The following SUPT3H variants were observed in gnomAD, a reference collection of about 807,000 sequenced individuals.
SUPT3H encodes SPT3 homolog, SAGA and STAGA complex component, also known as transcription initiation protein SPT3 homolog.
SUPT3H carries 44 observed loss-of-function variants against 44.3 expected under a neutral mutation model. The observed-to-expected ratio is 0.99, with a 90% CI of 0.78 to 1.28. The LOEUF (loss-of-function observed/expected upper bound fraction) is 1.28. SUPT3H is among the 50% of genes most tolerant of loss of function. The pLI is 0.00. For synonymous variants in SUPT3H, 124 were observed against 125.6 expected, an observed-to-expected ratio of 0.99 and a Z score of 0.09; for missense variants, 380 against 387.1, an observed-to-expected ratio of 0.98 and a Z score of 0.15.
intron 2 of SUPT3H, among the ~76,000 whole-genome samples, chr6:45,198,807 T>C (rs957276731): frequency 6.6e-6 from 1 of 151,254 alleles, no homozygotes; most frequent in Non-Finnish European, 1.5e-5. Flanking sequence ...ATTATTATCA[T>C]GAAATAGCTA....
intron 3 of SUPT3H, among the ~76,000 whole-genome samples, chr6:45,045,765 T>C (rs1383336171): frequency 6.6e-6 from 1 of 152,228 alleles, no homozygotes; most frequent in African/African-American, 2.4e-5. Flanking sequence ...ATTGGATTCT[T>C]TGTCACATTA....
chr6:44,929,357 T>G (rs1417849810), intron 10 of SUPT3H, among the ~76,000 whole-genome samples: 1 of 152,160 alleles, frequency 6.6e-6, no homozygotes, highest in African/African-American at 2.4e-5. Context: ...ATTAACAATA[T>G]CAAATTATTG....
chr6:45,224,145 T>C lies in SUPT3H; in HGVS notation c.102-118139A>G, dbSNP rs967053055. Among the ~76,000 whole-genome samples the C allele has an allele frequency of 4.0e-4, 61 of 151,444 alleles. 1 individual carries two copies. The highest frequency in any genetic ancestry group is 5.9e-4 in the Admixed American group (9 of 15,194). ...TTGAAAGACAAACATAATATATATA[T>C]ATACATATAAATGTAAATGTCATTA... On this transcript the variant is annotated intron_variant, in intron 2 of 10. Transcript: ENST00000371459.
chr6:45,131,307 A>G (rs928044356), intron 2 of SUPT3H, among the ~76,000 whole-genome samples: 3 of 152,192 alleles, frequency 2.0e-5, no homozygotes, highest in African/African-American at 4.8e-5. Context: ...TGCCTAATTC[A>G]TTCATGCATG....
intron 3 of SUPT3H, among the ~76,000 whole-genome samples, chr6:45,101,747 C>T (rs1448561846): frequency 2.6e-5 from 4 of 152,064 alleles, no homozygotes; most frequent in African/African-American, 4.8e-5. Context: ...CAAAATAACA[C>T]ACTGTGCCCC....
chr6:45,302,077 G>T (rs9349320), intron 2 of SUPT3H, among the ~76,000 whole-genome samples: 149,189 of 152,290 alleles, frequency 0.98, 73,087 homozygotes, highest in Middle Eastern at 1. Context: ...TCCCCTCTGC[G>T]TCAATTGTAT....
intron 10 of SUPT3H, among the ~76,000 whole-genome samples, chr6:44,905,050 C>A (rs1300072437): frequency 6.6e-6 from 1 of 151,984 alleles, no homozygotes; most frequent in Non-Finnish European, 1.5e-5. Flanking sequence ...AACGTTAGAC[C>A]TAAAACCATA....
intron 10 of SUPT3H, among the ~76,000 whole-genome samples, chr6:44,901,567 A>T (rs1224084229): frequency 6.6e-6 from 1 of 151,728 alleles, no homozygotes; most frequent in Admixed American, 6.6e-5. Context: ...TGAAAGTGAC[A>T]GGGAGAATGG....
chr6:44,868,298 AGC>A lies in SUPT3H; in HGVS notation c.913-38443_913-38442del, dbSNP rs1412218914. ...AAGTAGGTATTTGGACCATGCTGGA[AGC>A]AAACAGAATAAAACCCCAGGAAAAC... On this transcript the variant is annotated intron_variant, in intron 10 of 10. Coordinates refer to ENST00000371459, the MANE Select transcript of SUPT3H (RefSeq NM_003599.4). 1.3e-4 allele frequency among the ~76,000 whole-genome samples: 20 copies of A among 152,332 alleles called. No individual in the cohort carries two copies. The East Asian group carries it at 3.7e-3, about 28-fold the overall frequency.
At position 45,128,067 on chromosome 6, in the gene SUPT3H, C is replaced by T. The variant is rs183120613; in HGVS notation, c.102-22061G>A. 9.2e-5 allele frequency among the ~76,000 whole-genome samples: 14 copies of T among 152,186 alleles called. No individual in the cohort carries two copies. In the East Asian group the frequency reaches 1.2e-3, roughly 13 times the overall value. ...TTACCGATAATGCTTGTTATTCTGA[C>T]GCTTACTTTGTCTGATATTAATATA... is the stretch of plus-strand genomic sequence containing the variant. On this transcript the variant is annotated intron_variant, in intron 2 of 10. Coordinates refer to ENST00000371459, the MANE Select transcript of SUPT3H (RefSeq NM_003599.4).
intron 2 of SUPT3H, among the ~76,000 whole-genome samples, chr6:45,144,321 A>C (rs1224763739): frequency 6.6e-6 from 1 of 152,142 alleles, no homozygotes; most frequent in African/African-American, 2.4e-5. Context: ...TGAATCCAAC[A>C]GCATATAAAA....
At chr6:45,001,311 A>C (rs1781971460) in intron 6 of SUPT3H, among the ~76,000 whole-genome samples, 1 of 152,058 alleles carries the variant, frequency 6.6e-6, no homozygotes, top group Non-Finnish European at 1.5e-5. Context: ...GATCATTTAA[A>C]AGGATGTTCT....
intron 2 of SUPT3H, among the ~76,000 whole-genome samples, chr6:45,221,971 C>T (rs188057526): frequency 1.3e-5 from 2 of 151,978 alleles, no homozygotes; most frequent in African/African-American, 2.4e-5. Flanking sequence ...AGAAATGGAC[C>T]AAGCAAATAA....
chr6:44,891,084 A>C (rs551368577), intron 10 of SUPT3H, among the ~76,000 whole-genome samples: 1 of 152,140 alleles, frequency 6.6e-6, no homozygotes, highest in Non-Finnish European at 1.5e-5. Context: ...CCTATGTAAC[A>C]AACCTGTACA....
intron 9 of SUPT3H, among the ~76,000 whole-genome samples, chr6:44,934,090 CAGAATTAATATTAT>C (rs1336543347): frequency 1.3e-5 from 2 of 152,132 alleles, no homozygotes; most frequent in African/African-American, 4.8e-5. Flanking sequence ...TTTGTAGTCA[CAGAATTAATATTAT>C]TTGTTTTTCT....
chr6:45,042,162 C>T (rs1050468657), intron 3 of SUPT3H, among the ~76,000 whole-genome samples: 1 of 152,124 alleles, frequency 6.6e-6, no homozygotes, highest in Admixed American at 6.5e-5. Context: ...GTGGCTCACA[C>T]CTATAATCCC....
intron 2 of SUPT3H, among the ~76,000 whole-genome samples, chr6:45,362,742 T>C (rs1438603287): frequency 6.6e-6 from 1 of 152,174 alleles, no homozygotes. Context: ...TAGCCAACAA[T>C]AACTTTTGCA....
At chr6:45,373,969 G>A (rs1410055502) in intron 1 of SUPT3H, among the ~76,000 whole-genome samples, 2 of 152,184 alleles carry the variant, frequency 1.3e-5, no homozygotes, top group African/African-American at 4.8e-5. Flanking sequence ...ACTCTTTAGT[G>A]GAGGCTGAAG....
chr6:45,216,238 AAGTAAAAGGATGGTAACTACCAT>A (rs1449110553), intron 2 of SUPT3H, among the ~76,000 whole-genome samples: 12 of 152,040 alleles, frequency 7.9e-5, no homozygotes, highest in Non-Finnish European at 1.5e-4. Context: ...TACCATCTGG[AAGTAAAAGGATGGTAACTACCAT>A]CATGAAAACA....
Sources: allele counts gnomAD v4.1 joint callset (sites outside exome capture counted in the v4.1 genomes callset), GRCh38; gene constraint gnomAD v4.1.1; transcripts MANE v1.5; gene names NCBI Gene and HGNC (gene_info 2026-07-23, HGNC 2026-07-21).